Variants in LRP1B observed in about 807,000 individuals in gnomAD.
LRP1B encodes the protein LDL receptor related protein 1B.
LRP1B carries 217 observed loss-of-function variants against 556.6 expected under a neutral mutation model. That is an observed-to-expected ratio of 0.39 (90% confidence interval 0.35 to 0.44). The LOEUF (loss-of-function observed/expected upper bound fraction) is 0.44, where lower values mean the gene tolerates loss of function less well. Among genes scored for constraint, LRP1B ranks in the 20% least tolerant of loss-of-function variants. The pLI is 1.00. For synonymous variants in LRP1B, 2,047 were observed against 1,865.8 expected, an observed-to-expected ratio of 1.10 and a Z score of -2.50; for missense variants, 5,053 against 5,620.8, an observed-to-expected ratio of 0.90 and a Z score of 3.23.
intron 41 of LRP1B, among the ~76,000 whole-genome samples, chr2:140,625,132 GT>G (rs1683609399): frequency 6.6e-6 from 1 of 152,128 alleles, no homozygotes; most frequent in Non-Finnish European, 1.5e-5. Context: ...GATGTCTGTG[GT>G]TTTCACAATC....
intron 2 of LRP1B, among the ~76,000 whole-genome samples, chr2:141,503,306 G>C (rs1045139348): frequency 2.0e-5 from 3 of 148,310 alleles, no homozygotes; most frequent in African/African-American, 7.4e-5. Context: ...ATATATATTA[G>C]AGTAGAGGAA....
intron 1 of LRP1B, among the ~76,000 whole-genome samples, chr2:142,041,451 A>G (rs1424826750): frequency 2.0e-5 from 3 of 151,506 alleles, no homozygotes; most frequent in Admixed American, 2.0e-4. Context: ...ACATTTTTAA[A>G]AAGGGCAATA....
rs35844486 is a variant in LRP1B at position 141,644,007 on chromosome 2, A to AGTGTGT, written c.206-163475_206-163474insACACAC. Among the ~76,000 whole-genome samples, 333 of 142,318 alleles carry AGTGTGT rather than the reference A, an allele frequency of 2.3e-3. 1 individual carries two copies. Among genetic ancestry groups the AGTGTGT allele is most frequent in the African/African-American group, 7.2e-3 (275 of 38,180 alleles). 93.4% of individuals were successfully genotyped at this position (142,318 alleles called of 152,430 possible). On this transcript the variant is annotated intron_variant, in intron 2 of 90. Coordinates refer to ENST00000389484, the MANE Select transcript of LRP1B (RefSeq NM_018557.3). ...CAATAAATGTTTAGGGAGAATGTGG[A>AGTGTGT]GAGTGTGTGTGTGTGTGTGTGTGTG...
At chr2:141,018,341 T>C (rs1159142989) in intron 12 of LRP1B, among the ~76,000 whole-genome samples, 2 of 152,236 alleles carry the variant, frequency 1.3e-5, no homozygotes, top group East Asian at 1.9e-4. Flanking sequence ...ATTGCACTTA[T>C]TCCTTGTATA....
intron 3 of LRP1B, among the ~76,000 whole-genome samples, chr2:141,291,691 C>G (rs977385137): frequency 6.6e-6 from 1 of 151,776 alleles, no homozygotes; most frequent in South Asian, 2.1e-4. Context: ...CCCGTCTCTA[C>G]TGAAAATACA....
chr2:140,603,616 C>T (rs1432192100), intron 41 of LRP1B, among the ~76,000 whole-genome samples: 1 of 152,056 alleles, frequency 6.6e-6, no homozygotes, highest in Non-Finnish European at 1.5e-5. Flanking sequence ...GAAAACACTT[C>T]GTATCACCAT....
chr2:141,970,829 CAA>C (rs1455511116), intron 1 of LRP1B, among the ~76,000 whole-genome samples: 1 of 151,462 alleles, frequency 6.6e-6, no homozygotes, highest in Non-Finnish European at 1.5e-5. Context: ...AGCTCTCAAC[CAA>C]AAGAGTGATC....
At chr2:140,449,163 A>T (rs892654932) in intron 63 of LRP1B, among the ~76,000 whole-genome samples, 2 of 152,152 alleles carry the variant, frequency 1.3e-5, no homozygotes, top group Non-Finnish European at 2.9e-5. Flanking sequence ...CTCAGAGAAC[A>T]GTCAATCTAG....
chr2:141,784,358 G>GA (rs899331612), intron 2 of LRP1B, among the ~76,000 whole-genome samples: 1 of 151,872 alleles, frequency 6.6e-6, no homozygotes, highest in African/African-American at 2.4e-5. Flanking sequence ...GGATATATGA[G>GA]AAAAATCACA....
intron 35 of LRP1B, among the ~76,000 whole-genome samples, chr2:140,741,994 T>C (rs1688158490): frequency 6.6e-6 from 1 of 152,212 alleles, no homozygotes; most frequent in South Asian, 2.1e-4. Flanking sequence ...TAGTTGACTA[T>C]CTTACTTAAT....
At chr2:140,709,423 A>G (rs1686951529) in intron 37 of LRP1B, among the ~76,000 whole-genome samples, 2 of 151,334 alleles carry the variant, frequency 1.3e-5, no homozygotes, top group Non-Finnish European at 3.0e-5. Flanking sequence ...AGGAGGCGGA[A>G]GAGGAGGAGG....
chr2:141,369,782 C>T lies in LRP1B; in HGVS notation c.343+110614G>A, dbSNP rs762930005. 8.7e-4 allele frequency among the ~76,000 whole-genome samples: 133 copies of T among 152,238 alleles called. 1 individual carries two copies. The highest frequency in any genetic ancestry group is 6.8e-3 in the Middle Eastern group (2 of 294). On this transcript the variant is annotated intron_variant, in intron 3 of 90. Coordinates refer to ENST00000389484, the MANE Select transcript of LRP1B (RefSeq NM_018557.3). ...ACTGAAGCAATGCACATTGTACCCC[C>T]GGAGCAAGCTCCCATGATTTACCCT...
At chr2:140,429,627 C>T (rs1573928939) in intron 66 of LRP1B, among the ~76,000 whole-genome samples, 1 of 152,128 alleles carries the variant, frequency 6.6e-6, no homozygotes, top group African/African-American at 2.4e-5. Context: ...TGACTAATCT[C>T]CCAAACCTCA....
intron 3 of LRP1B, among the ~76,000 whole-genome samples, chr2:141,289,759 G>T (rs1373556206): frequency 6.6e-6 from 1 of 152,148 alleles, no homozygotes; most frequent in African/African-American, 2.4e-5. Flanking sequence ...ACACGAAACA[G>T]TAACAATGTG....
intron 5 of LRP1B, among the ~76,000 whole-genome samples, chr2:141,236,182 A>G (rs898578557): frequency 2.6e-5 from 4 of 152,154 alleles, no homozygotes; most frequent in African/African-American, 9.6e-5. Flanking sequence ...TTAAATTGAC[A>G]TAAATTGATA....
At chr2:140,851,847 T>C (rs1417485968) in intron 27 of LRP1B, 64 bp from the exon 28 acceptor site, 12 of 1,458,514 alleles carry the variant, frequency 8.2e-6, no homozygotes, top group Non-Finnish European at 1.0e-5. Context: ...AGCTCTGAGG[T>C]TGACAGGGGT....
At chr2:140,773,088 CAACAAACA>C (rs201778171) in intron 33 of LRP1B, among the ~76,000 whole-genome samples, 5,156 of 151,832 alleles carry the variant, frequency 0.034, 121 homozygotes, top group South Asian at 0.1. Flanking sequence ...GAGACTGTCT[CAACAAACA>C]AACAAACAAA....
intron 2 of LRP1B, among the ~76,000 whole-genome samples, chr2:141,574,213 G>A (rs770928621): frequency 5.9e-5 from 9 of 151,990 alleles, no homozygotes; most frequent in Non-Finnish European, 1.0e-4. Flanking sequence ...ACTGCAAACC[G>A]AATCCAGGAG....
intron 1 of LRP1B, among the ~76,000 whole-genome samples, chr2:141,978,462 C>T (rs1056587584): frequency 6.6e-6 from 1 of 151,846 alleles, no homozygotes; most frequent in African/African-American, 2.4e-5. Flanking sequence ...TAGAGTTTAA[C>T]AAGGTGTCTA....
Sources: gnomAD v4.1 joint callset for allele counts (sites outside exome capture counted in the v4.1 genomes callset) on GRCh38, gnomAD v4.1.1 for gene constraint, MANE v1.5 for transcripts, NCBI Gene and HGNC (gene_info 2026-07-23, HGNC 2026-07-21) for gene names.